The following INPP4B variants were observed in gnomAD, a reference collection of about 807,000 sequenced individuals.
INPP4B encodes the protein inositol polyphosphate 4-phosphatase type II.
INPP4B carries 55 observed loss-of-function variants against 122.5 expected under a neutral mutation model. That is an observed-to-expected ratio of 0.45 (90% CI 0.36 to 0.56). The LOEUF is 0.56. Among genes scored for constraint, INPP4B ranks in the 20% least tolerant of loss-of-function variants. The probability of loss-of-function intolerance (pLI) is 0.00; values close to 1 mark genes in which losing one functional copy is unlikely to be tolerated. For missense variants in INPP4B, 1,000 were observed against 1,097.7 expected, an observed-to-expected ratio of 0.91 and a Z score of 1.26; for synonymous variants, 403 against 388.7, an observed-to-expected ratio of 1.04 and a Z score of -0.43.
chr4:142,540,538 A>G (rs1299808433), intron 2 of INPP4B, among the ~76,000 whole-genome samples: 1 of 152,100 alleles, frequency 6.6e-6, no homozygotes, highest in African/African-American at 2.4e-5. Flanking sequence ...TTCTCCAACT[A>G]TTCTAGAGTG....
chr4:142,348,677 C>T (rs534207673), intron 7 of INPP4B, among the ~76,000 whole-genome samples: 1 of 152,052 alleles, frequency 6.6e-6, no homozygotes, highest in Non-Finnish European at 1.5e-5. Flanking sequence ...TCCAAGGCTG[C>T]AAACTAGAAC....
chr4:142,654,245 T>C (rs571226788), intron 2 of INPP4B, among the ~76,000 whole-genome samples: 315 of 151,086 alleles, frequency 2.1e-3, no homozygotes, highest in African/African-American at 7.0e-3. Context: ...CGGGAAGGGA[T>C]AGAATTAGGA....
chr4:142,590,619 A>C (rs1737223898), intron 2 of INPP4B, among the ~76,000 whole-genome samples: 1 of 152,126 alleles, frequency 6.6e-6, no homozygotes, highest in Admixed American at 6.5e-5. Flanking sequence ...GGAGGCTAGA[A>C]TGCTCATCTG....
At chr4:142,481,296 C>T (rs1177540258) in intron 2 of INPP4B, among the ~76,000 whole-genome samples, 1 of 151,838 alleles carries the variant, frequency 6.6e-6, no homozygotes, top group Non-Finnish European at 1.5e-5. Context: ...CCCCTAAAGA[C>T]ACAACATTTA....
intron 2 of INPP4B, among the ~76,000 whole-genome samples, chr4:142,700,490 T>C (rs1462887864): frequency 6.6e-6 from 1 of 152,184 alleles, no homozygotes; most frequent in South Asian, 2.1e-4. Context: ...TATAGAATTG[T>C]ACTTATTTCC....
At chr4:142,610,255 C>G (rs1742187581) in intron 2 of INPP4B, among the ~76,000 whole-genome samples, 1 of 152,120 alleles carries the variant, frequency 6.6e-6, no homozygotes, top group Non-Finnish European at 1.5e-5. Flanking sequence ...GTAAGACGTG[C>G]CTTTGCTTAT....
intron 1 of INPP4B, among the ~76,000 whole-genome samples, chr4:142,799,448 CAT>C (rs1476295175): frequency 6.6e-6 from 1 of 151,826 alleles, no homozygotes; most frequent in African/African-American, 2.4e-5. Flanking sequence ...AATTATTTAA[CAT>C]AGCTGAAATT....
At chr4:142,653,622 CTCA>C (rs772523480) in intron 2 of INPP4B, among the ~76,000 whole-genome samples, 9 of 152,164 alleles carry the variant, frequency 5.9e-5, no homozygotes, top group Non-Finnish European at 8.8e-5. Flanking sequence ...TGAAAAAATG[CTCA>C]TCATCACTGG....
intron 12 of INPP4B, among the ~76,000 whole-genome samples, chr4:142,218,071 T>C (rs1848050232): frequency 1.3e-5 from 2 of 152,038 alleles, no homozygotes; most frequent in East Asian, 3.9e-4. Flanking sequence ...TTCTATTCTG[T>C]TTCTCTTTGG....
intron 7 of INPP4B, among the ~76,000 whole-genome samples, chr4:142,315,477 T>C (rs1456527074): frequency 6.6e-6 from 1 of 152,026 alleles, no homozygotes; most frequent in African/African-American, 2.4e-5. Context: ...TCAAGAGACA[T>C]GTATCTTCAA....
intron 16 of INPP4B, among the ~76,000 whole-genome samples, chr4:142,168,005 A>T (rs1823659805): frequency 6.7e-6 from 1 of 148,528 alleles, no homozygotes; most frequent in African/African-American, 2.5e-5. Flanking sequence ...ATGTGACTTT[A>T]TTTTCTTCTG....
At chr4:142,113,242 A>G (rs542895273) in intron 21 of INPP4B, among the ~76,000 whole-genome samples, 28 of 152,176 alleles carry the variant, frequency 1.8e-4, no homozygotes, top group African/African-American at 6.7e-4. Context: ...TTTCACTGGA[A>G]ATGTCCATTA....
At chr4:142,419,847 C>G (rs1450137425) in intron 5 of INPP4B, among the ~76,000 whole-genome samples, 1 of 152,084 alleles carries the variant, frequency 6.6e-6, no homozygotes, top group Non-Finnish European at 1.5e-5. Context: ...CAGACAGCAA[C>G]ATCAGGGGAC....
intron 15 of INPP4B, among the ~76,000 whole-genome samples, chr4:142,175,656 A>C (rs1214090504): frequency 6.6e-6 from 1 of 152,054 alleles, no homozygotes; most frequent in South Asian, 2.1e-4. Flanking sequence ...GAAAGGAAAC[A>C]GTAGTCCTAG....
At chr4:142,151,527 G>C (rs767872677) in intron 17 of INPP4B, among the ~76,000 whole-genome samples, 3 of 152,086 alleles carry the variant, frequency 2.0e-5, no homozygotes, top group Non-Finnish European at 4.4e-5. Context: ...ATTAACCACT[G>C]TTTCTCCAAT....
At chr4:142,621,439 G>A (rs1744910592) in intron 2 of INPP4B, among the ~76,000 whole-genome samples, 1 of 151,844 alleles carries the variant, frequency 6.6e-6, no homozygotes, top group South Asian at 2.1e-4. Context: ...TGCTTTAGAT[G>A]GGTGTCAATT....
intron 25 of INPP4B, 178 bp from the exon 26 acceptor site, chr4:142,029,092 ATACCAT>A: frequency 7.3e-7 from 1 of 1,363,180 alleles, no homozygotes; most frequent in South Asian, 1.9e-5. Flanking sequence ...GCCAGGCCCA[ATACCAT>A]TATTGCCCTC....
At chr4:142,449,371 G>T (rs1041659910) in intron 3 of INPP4B, among the ~76,000 whole-genome samples, 1 of 152,112 alleles carries the variant, frequency 6.6e-6, no homozygotes, top group African/African-American at 2.4e-5. Context: ...TATTAGAAAT[G>T]CAGAACCTTG....
chr4:142,575,615 G>A (rs564832637), intron 2 of INPP4B, among the ~76,000 whole-genome samples: 16 of 151,930 alleles, frequency 1.1e-4, no homozygotes, highest in Admixed American at 2.0e-4. Flanking sequence ...GCCTTCGTCC[G>A]TATTAAATGA....
Sources: gnomAD v4.1 joint callset for allele counts (sites outside exome capture counted in the v4.1 genomes callset) on GRCh38, gnomAD v4.1.1 for gene constraint, MANE v1.5 for transcripts, NCBI Gene and HGNC (gene_info 2026-07-23, HGNC 2026-07-21) for gene names.